Variants in ZNF429 observed in about 807,000 individuals in gnomAD.
ZNF429 encodes the protein zinc finger protein 429.
ZNF429 carries 53 observed loss-of-function variants against 56.8 expected under a neutral mutation model. That is an observed-to-expected ratio of 0.93 (90% CI 0.75 to 1.17). The LOEUF is 1.17. Among genes scored for constraint, ZNF429 ranks in the 50% most tolerant of loss-of-function variants. The probability of loss-of-function intolerance (pLI) is 0.00; values close to 1 mark genes in which losing one functional copy is unlikely to be tolerated. For synonymous variants in ZNF429, 278 were observed against 264.7 expected (o/e 1.05, Z -0.49); for missense variants, 849 against 788.4 (o/e 1.08, Z -0.92).
rs2650833 is a variant in ZNF429 at position 21,508,167 on chromosome 19, C to T, written c.3+2393C>T. 6.6e-3 allele frequency among the ~76,000 whole-genome samples: 999 copies of T among 150,774 alleles called. 14 individuals are homozygous for T. Among genetic ancestry groups the T allele is most frequent in the African/African-American group, 0.023 (947 of 41,072 alleles). On this transcript the variant is annotated intron_variant, in intron 1 of 3. Transcript: ENST00000358491. The stretch of plus-strand genomic sequence containing the variant: ...CTCAGGAGGCTGAGGCAGAAGAACT[C>T]GGGAGGCGGAGGTTGCGGTGAGCCG...
At chr19:21,511,800 T>G (rs1271712700) in intron 1 of ZNF429, among the ~76,000 whole-genome samples, 1 of 152,012 alleles carries the variant, frequency 6.6e-6, no homozygotes, top group African/African-American at 2.4e-5. Context: ...GAACACTGAG[T>G]GAATGAGACT....
intron 2 of ZNF429, 79 bp from the exon 3 acceptor site, chr19:21,530,510 C>T: frequency 4.5e-6 from 4 of 889,798 alleles, no homozygotes; most frequent in Non-Finnish European, 6.5e-6. Flanking sequence ...TATATTACAT[C>T]CTCTTTACTG....
Position 21,540,439 on chromosome 19 carries a change from T to C in ZNF429, c.*2361T>C, listed in dbSNP as rs984729980. Among the ~76,000 whole-genome samples, 1 of 152,110 alleles carries C rather than the reference T, an allele frequency of 6.6e-6. No homozygotes were observed. The highest frequency in any genetic ancestry group is 1.5e-5 in the Non-Finnish European group (1 of 67,980). Reference sequence around the variant, plus strand: ...GGTACATAATATGTGTATATATTTATGCAAATCTGGCATATTTTGATAGAG... The same window carrying C: ...GGTACATAATATGTGTATATATTTACGCAAATCTGGCATATTTTGATAGAG... On this transcript the variant is annotated 3_prime_UTR_variant, in exon 4 of 4. Coordinates refer to ENST00000358491, the MANE Select transcript of ZNF429 (RefSeq NM_001001415.4).
In ZNF429 at chr19:21,536,392, A is replaced by G. The variant is rs1405853024; in HGVS notation, c.339A>G (p.Leu113=). The change falls in exon 4 of 4, where the codon TTA becomes TTG. Residue 113 remains leucine, a synonymous_variant. Transcript: ENST00000358491. ...YDKRGHENLQ[L]RKGYKTVGDC... Reference sequence around the variant, plus strand: ...AACGTGGACATGAGAACTTACAATTAAGAAAAGGCTATAAAACTGTAGGTG... The same window carrying G: ...AACGTGGACATGAGAACTTACAATTGAGAAAAGGCTATAAAACTGTAGGTG... 1.1e-5 allele frequency: 17 copies of G among 1,613,978 alleles called. No homozygotes were observed. The highest frequency in any genetic ancestry group is 1.4e-5 in the Non-Finnish European group (17 of 1,179,926).
At chr19:21,533,555 G>C in intron 3 of ZNF429, among the ~76,000 whole-genome samples, 1 of 147,798 alleles carries the variant, frequency 6.8e-6, no homozygotes, top group South Asian at 2.2e-4. Context: ...TTTTCTAAGG[G>C]ATTTGTTAGT....
At chr19:21,531,106 C>CAAA in intron 3 of ZNF429, among the ~76,000 whole-genome samples, 76 of 17,492 alleles carry the variant, frequency 4.3e-3, no homozygotes, top group Non-Finnish European at 5.7e-3. Context: ...AACTCCATCT[C>CAAA]AAAAAAAAAA....
chr19:21,534,035 TG>T, intron 3 of ZNF429, among the ~76,000 whole-genome samples: 2 of 152,202 alleles, frequency 1.3e-5, no homozygotes, highest in Admixed American at 6.5e-5. Flanking sequence ...TTTTTGTTAC[TG>T]TAGCTTTTAA....
rs2033824931 is a variant in ZNF429 at position 21,538,904 on chromosome 19, T to C, written c.*826T>C. On this transcript the variant is annotated 3_prime_UTR_variant, in exon 4 of 4. Coordinates refer to ENST00000358491, the MANE Select transcript of ZNF429 (RefSeq NM_001001415.4). ...CTAGTCTGAGGAAAAACATTACAAA[T>C]GTAAAGAGGGTTATAGTGCATTTAC... is the stretch of plus-strand genomic sequence containing the variant. Among the ~76,000 whole-genome samples the C allele has an allele frequency of 9.9e-6, 1 of 100,846 alleles. No homozygotes were observed. The highest frequency in any genetic ancestry group is 3.6e-5 in the African/African-American group (1 of 27,456). 66.2% of individuals were successfully genotyped at this position (100,846 alleles called of 152,430 possible). A position where few individuals can be genotyped will look rare whatever the true frequency, so the allele number is the denominator to read the frequency against.
At chr19:21,514,227 A>G (rs1440603696) in intron 1 of ZNF429, among the ~76,000 whole-genome samples, 1 of 152,148 alleles carries the variant, frequency 6.6e-6, no homozygotes, top group Admixed American at 6.6e-5. Context: ...GTACACATGC[A>G]GGTTTATCAT....
At chr19:21,524,053 C>G (rs2033078244) in intron 1 of ZNF429, among the ~76,000 whole-genome samples, 2 of 152,180 alleles carry the variant, frequency 1.3e-5, no homozygotes, top group South Asian at 4.1e-4. Context: ...TTAAAGACAT[C>G]TTTTGAGAGT....
rs2033857415 is a variant in ZNF429, at chr19:21,539,766, AT to A, written c.*1693del. Among the ~76,000 whole-genome samples, 1 of 152,086 alleles carries A rather than the reference AT, an allele frequency of 6.6e-6. No individual in the cohort carries two copies. The highest frequency in any genetic ancestry group is 1.5e-5 in the Non-Finnish European group (1 of 68,022). On this transcript the variant is annotated 3_prime_UTR_variant, in exon 4 of 4. Coordinates refer to ENST00000358491, the MANE Select transcript of ZNF429 (RefSeq NM_001001415.4). Reference sequence around the variant, plus strand: ...TTTTAAAAATATGTATATATATAAAATTTTTGAAAAGCAAATTATGATATAA... The same window carrying A: ...TTTTAAAAATATGTATATATATAAAATTTTGAAAAGCAAATTATGATATAA...
chr19:21,536,892 C>A lies in ZNF429; in HGVS notation c.839C>A (p.Ser280Tyr). 6.2e-7 allele frequency: 1 copy of A among 1,612,242 alleles called. No individual in the cohort carries two copies. Among genetic ancestry groups the A allele is most frequent in the South Asian group, 1.1e-5 (1 of 90,720 alleles). ...CTTACTACCCATAAGAGAATTCATTCTGGAGAGAAGCCCTACAAATGTGAT... is the reference window on the plus strand; with the variant it reads ...CTTACTACCCATAAGAGAATTCATTATGGAGAGAAGCCCTACAAATGTGAT... ...STLTTHKRIHSGEKPYKCDEC... is the reference protein window; with the variant it reads ...STLTTHKRIHYGEKPYKCDEC... Residue 280 changes from serine to tyrosine, a missense_variant, in exon 4 of 4, where the codon TCT becomes TAT. Ser to Tyr is a moderately radical substitution (Grantham distance 144). Coordinates refer to ENST00000358491, the MANE Select transcript of ZNF429 (RefSeq NM_001001415.4).
rs1224944629 is a variant in ZNF429, at chr19:21,523,227, G to A, written c.4-6431G>A. On this transcript the variant is annotated intron_variant, in intron 1 of 3. Coordinates refer to ENST00000358491, the MANE Select transcript of ZNF429 (RefSeq NM_001001415.4). ...CTGCTACTGCTACTCCACCTATTCA[G>A]GACCTAAATCTGCAGATGGAAATTC... Among the ~76,000 whole-genome samples, 2 of 152,132 alleles carry A rather than the reference G, an allele frequency of 1.3e-5. 1 individual carries two copies. Among genetic ancestry groups the A allele is most frequent in the Non-Finnish European group, 2.9e-5 (2 of 68,024 alleles).
At chr19:21,535,706 G>A in intron 3 of ZNF429, among the ~76,000 whole-genome samples, 1 of 151,658 alleles carries the variant, frequency 6.6e-6, no homozygotes, top group African/African-American at 2.4e-5. Context: ...AGTAGAGACA[G>A]GGTTTCACCA....
At chr19:21,525,277 T>G (rs1343921314) in intron 1 of ZNF429, among the ~76,000 whole-genome samples, 1 of 151,894 alleles carries the variant, frequency 6.6e-6, no homozygotes, top group Admixed American at 6.6e-5. Context: ...CCTTAAGAGA[T>G]TTGCTTAAAT....
Position 21,535,502 on chromosome 19 carries a change from T to G in ZNF429, c.227-778T>G. On this transcript the variant is annotated intron_variant, in intron 3 of 3. Transcript: ENST00000358491. ...TTTCTTTCTTTCTTTCTTTCTTCTT[T>G]CTTTCTTTCTTTCCTTCTTTTTCTT... Among the ~76,000 whole-genome samples, 382 of 135,344 alleles carry G rather than the reference T, an allele frequency of 2.8e-3. 16 individuals carry two copies. Among genetic ancestry groups the G allele is most frequent in the African/African-American group, 0.011 (370 of 33,364 alleles). 88.8% of individuals were successfully genotyped at this position (135,344 alleles called of 152,430 possible).
At chr19:21,523,060 A>G (rs749562804) in intron 1 of ZNF429, among the ~76,000 whole-genome samples, 6 of 152,132 alleles carry the variant, frequency 3.9e-5, no homozygotes, top group Admixed American at 2.0e-4. Flanking sequence ...TGTGTCTTCA[A>G]ACCTGAAACT....
intron 1 of ZNF429, among the ~76,000 whole-genome samples, chr19:21,517,872 C>A (rs1319042085): frequency 6.6e-6 from 1 of 150,760 alleles, no homozygotes; most frequent in East Asian, 2.0e-4. Flanking sequence ...CAGCTCACTG[C>A]AAGCTCCGTC....
Position 21,530,713 on chromosome 19 carries a change from A to C in ZNF429, c.226+29A>C. On this transcript the variant is annotated intron_variant, in intron 3 of 3. Coordinates refer to ENST00000358491, the MANE Select transcript of ZNF429 (RefSeq NM_001001415.4). ...GGTGAGAGTGAACACAACAGACAAC[A>C]CAGATGAGAGGTCCCAAGGCCAATA... is the stretch of plus-strand genomic sequence containing the variant. 4.5e-6 allele frequency: 7 copies of C among 1,539,944 alleles called. No individual in the cohort carries two copies. In the African/African-American group the frequency reaches 8.3e-5, roughly 18 times the overall value.
Sources: gnomAD v4.1 joint callset for allele counts (sites outside exome capture counted in the v4.1 genomes callset) on GRCh38, gnomAD v4.1.1 for gene constraint, MANE v1.5 for transcripts, NCBI Gene and HGNC (gene_info 2026-07-23, HGNC 2026-07-21) for gene names.